Variants in HUS1B observed in about 807,000 individuals in gnomAD.
HUS1B encodes the protein checkpoint protein HUS1B.
For synonymous variants in HUS1B, 207 were observed against 176.2 expected (o/e 1.17, Z -1.38); for missense variants, 475 against 390.4 (o/e 1.22, Z -1.83).
rs998447913 is a variant in HUS1B at position 656,231 on chromosome 6, C to T, written c.714G>A (p.Gln238=). 2 of 1,614,142 alleles carry T rather than the reference C, an allele frequency of 1.2e-6. No individual in the cohort carries two copies. Among genetic ancestry groups the T allele is most frequent in the African/African-American group, 2.7e-5 (2 of 74,942 alleles). ...QVRVDNRKLL[Q]FLEGQQIHPT... The stretch of plus-strand genomic sequence containing the variant: ...GATGTATTTGCTGTCCCTCCAAAAA[C>T]TGCAGAAGCTTCCGATTGTCCACCC... The change falls in exon 1 of 1, where the codon CAG becomes CAA. Residue 238 remains glutamine, a synonymous_variant. Coordinates refer to ENST00000380907, the MANE Select transcript of HUS1B (RefSeq NM_148959.4).
Position 656,370 on chromosome 6 carries a change from C to T in HUS1B, c.575G>A (p.Ser192Asn), listed in dbSNP as rs368806371. The T allele has an allele frequency of 5.6e-6, 9 of 1,614,098 alleles. No homozygotes were observed. The highest frequency in any genetic ancestry group is 2.2e-5 in the East Asian group (1 of 44,884). ...AATGGACACCACCTCCGTCTCTATA[C>T]TCAGGGTCATCCTGCCACTGAGGTT... is the stretch of plus-strand genomic sequence containing the variant. The part of the protein sequence containing the change: ...EANLSGRMTL[S>N]IETEVVSIQS... Residue 192 changes from serine (S) to asparagine (N), a missense_variant, in exon 1 of 1, where the codon AGT (serine) becomes AAT (asparagine). Transcript: ENST00000380907.
At position 656,664 on chromosome 6, in the gene HUS1B, G is replaced by T. The variant is rs1763120140; in HGVS notation, c.281C>A (p.Ala94Glu). ...CAGCTTCAGGGAGGACGCGCCCGCTGCGCTTCTCGCCGCCCGGGACAGGTG... is the reference window on the plus strand; with the variant it reads ...CAGCTTCAGGGAGGACGCGCCCGCTTCGCTTCTCGCCGCCCGGGACAGGTG... The part of the protein sequence containing the change: ...AEHLSRAARS[A>E]AGASSLKLQL... The change falls in exon 1 of 1, where the codon GCA becomes GAA. Residue 94 changes from alanine (A) to glutamate (E), a missense_variant. Transcript: ENST00000380907. 6.2e-7 allele frequency: 1 copy of T among 1,607,176 alleles called. No homozygotes were observed. The highest frequency in any genetic ancestry group is 1.3e-5 in the African/African-American group (1 of 74,772).
chr6:655,998 G>A lies in HUS1B; in HGVS notation c.*110C>T, dbSNP rs1045057481. The A allele has an allele frequency of 7.9e-6, 6 of 755,340 alleles. No homozygotes were observed. Among genetic ancestry groups the A allele is most frequent in the Non-Finnish European group, 1.3e-5 (6 of 451,924 alleles). 46.8% of individuals were successfully genotyped at this position (755,340 alleles called of 1,614,324 possible). A position where few individuals can be genotyped will look rare whatever the true frequency, so the allele number is the denominator to read the frequency against. ...GGAGGAAGGGCTCAACAAAATATAC[G>A]CCCTGCATAAGTCAGTGAAGGTCCA... On this transcript the variant is annotated 3_prime_UTR_variant, in exon 1 of 1. Coordinates refer to ENST00000380907, the MANE Select transcript of HUS1B (RefSeq NM_148959.4).
Position 656,382 on chromosome 6 carries a change from C to A in HUS1B, c.563G>T (p.Arg188Met). 1 of 1,614,204 alleles carries A rather than the reference C, an allele frequency of 6.2e-7. No homozygotes were observed. The highest frequency in any genetic ancestry group is 1.1e-5 in the South Asian group (1 of 91,084). The change falls in exon 1 of 1, where the codon AGG becomes ATG. Residue 188 changes from arginine (R) to methionine (M), a missense_variant. Arg to Met is a moderately conservative substitution (Grantham distance 91). Transcript: ENST00000380907. ...CTCCGTCTCTATACTCAGGGTCATC[C>A]TGCCACTGAGGTTTGCTTCCACCAG... Reference protein sequence around the residue: ...HVLVEANLSGRMTLSIETEVV... With the variant: ...HVLVEANLSGMMTLSIETEVV...
Position 656,541 on chromosome 6 carries a change from C to G in HUS1B, c.404G>C (p.Arg135Pro). 1.2e-6 allele frequency: 2 copies of G among 1,600,952 alleles called. No individual in the cohort carries two copies. Among genetic ancestry groups the G allele is most frequent in the African/African-American group, 1.3e-5 (1 of 74,862 alleles). Residue 135 changes from arginine (R) to proline (P), a missense_variant, in exon 1 of 1, where the codon CGG becomes CCG. Transcript: ENST00000380907. ...ARSVVHDLPV[R>P]VLPRRVWRDC... is the part of the protein sequence containing the mutation. ...CCGCCACACTCTCCTGGGAAGCACC[C>G]GCACGGGCAGATCGTGCACCACGCT...
rs777078981 is a variant in HUS1B at position 656,630 on chromosome 6, G to A, written c.315C>T (p.Thr105=). 2 of 1,605,532 alleles carry A rather than the reference G, an allele frequency of 1.2e-6. No individual in the cohort carries two copies. The highest frequency in any genetic ancestry group is 4.5e-5 in the East Asian group (2 of 44,690). Residue 105 remains threonine, a synonymous_variant, in exon 1 of 1, where the codon ACC becomes ACT. Coordinates refer to ENST00000380907, the MANE Select transcript of HUS1B (RefSeq NM_148959.4). Reference sequence around the variant, plus strand: ...CCGTGAGGGAGGGGCGGCGCTTGTGGGTCAGCTGCAGCTTCAGGGAGGACG... The same window carrying A: ...CCGTGAGGGAGGGGCGGCGCTTGTGAGTCAGCTGCAGCTTCAGGGAGGACG... ...AGASSLKLQL[T]HKRRPSLTVA... is the part of the protein sequence containing the mutation.
At position 656,304 on chromosome 6, in the gene HUS1B, G is replaced by A; in HGVS notation, c.641C>T (p.Ala214Val). 6.2e-7 allele frequency: 1 copy of A among 1,614,196 alleles called. No individual in the cohort carries two copies. Among genetic ancestry groups the A allele is most frequent in the Non-Finnish European group, 8.5e-7 (1 of 1,180,036 alleles). Residue 214 changes from alanine to valine, a missense_variant, in exon 1 of 1, where the codon GCT (alanine) becomes GTT (valine). Physicochemically the swap from Ala to Val is moderately conservative, Grantham distance 64 (BLOSUM62 0). Transcript: ENST00000380907. ...GTCTCTGTTTTCAGGCACACCCACA[G>A]CCGACTGGGGAGGGTTTCCAAGATT... is the stretch of plus-strand genomic sequence containing the variant. Reference protein sequence around the residue: ...FKNLGNPPQSAVGVPENRDLE... With the variant: ...FKNLGNPPQSVVGVPENRDLE...
Position 656,490 on chromosome 6 carries a change from G to A in HUS1B, c.455C>T (p.Ala152Val). ...CGGCAGGCGGATGCTCGCGTCGGAG[G>A]CGCGCAGGCTGGGCGGCAGGCAGTC... is the stretch of plus-strand genomic sequence containing the variant. ...WRDCLPPSLR[A>V]SDASIRLPRW... Residue 152 changes from alanine (A) to valine (V), a missense_variant, in exon 1 of 1, where the codon GCC (alanine) becomes GTC (valine). Coordinates refer to ENST00000380907, the MANE Select transcript of HUS1B (RefSeq NM_148959.4). 6.2e-7 allele frequency: 1 copy of A among 1,608,714 alleles called. No homozygotes were observed. Among genetic ancestry groups the A allele is most frequent in the Non-Finnish European group, 8.5e-7 (1 of 1,178,686 alleles).
Position 657,050 on chromosome 6 carries a change from G to T in HUS1B, c.-106C>A. The T allele has an allele frequency of 1.0e-6, 1 of 961,576 alleles. No homozygotes were observed. Among genetic ancestry groups the T allele is most frequent in the Non-Finnish European group, 1.5e-6 (1 of 676,472 alleles). 59.6% of individuals were successfully genotyped at this position (961,576 alleles called of 1,614,324 possible). On this transcript the variant is annotated 5_prime_UTR_variant, in exon 1 of 1. Transcript: ENST00000380907. ...GCGCTGCCCTCCCCGCCCTCCCTCC[G>T]GCCCCCCAGCTAGGCAGGCACTCGG... is the stretch of plus-strand genomic sequence containing the variant.
Position 657,032 on chromosome 6 carries a change from C to T in HUS1B, c.-88G>A, listed in dbSNP as rs1763158011. On this transcript the variant is annotated 5_prime_UTR_variant, in exon 1 of 1. Coordinates refer to ENST00000380907, the MANE Select transcript of HUS1B (RefSeq NM_148959.4). ...GGTCCGCTGGGGTCCGTGGCGCTGCCCTCCCCGCCCTCCCTCCGGCCCCCC... is the reference window on the plus strand; with the variant it reads ...GGTCCGCTGGGGTCCGTGGCGCTGCTCTCCCCGCCCTCCCTCCGGCCCCCC... The T allele has an allele frequency of 9.2e-7, 1 of 1,087,486 alleles. No homozygotes were observed. Among genetic ancestry groups the T allele is most frequent in the East Asian group, 2.8e-5 (1 of 35,670 alleles). 67.4% of individuals were successfully genotyped at this position (1,087,486 alleles called of 1,614,324 possible). A position where few individuals can be genotyped will look rare whatever the true frequency, so the allele number is the denominator to read the frequency against.
chr6:656,495 C>G lies in HUS1B; in HGVS notation c.450G>C (p.Leu150=), dbSNP rs746654044. ...GGCGGATGCTCGCGTCGGAGGCGCG[C>G]AGGCTGGGCGGCAGGCAGTCCCGCC... ...RVWRDCLPPS[L]RASDASIRLP... is the part of the protein sequence containing the mutation. Residue 150 remains leucine (L), a synonymous_variant, in exon 1 of 1, where the codon CTG becomes CTC. Coordinates refer to ENST00000380907, the MANE Select transcript of HUS1B (RefSeq NM_148959.4). 1.9e-6 allele frequency: 3 copies of G among 1,607,408 alleles called. No homozygotes were observed. Among genetic ancestry groups the G allele is most frequent in the African/African-American group, 1.3e-5 (1 of 75,014 alleles).
Position 656,683 on chromosome 6 carries a change from A to C in HUS1B, c.262T>G (p.Ser88Ala). The C allele has an allele frequency of 6.2e-7, 1 of 1,606,924 alleles. No individual in the cohort carries two copies. The highest frequency in any genetic ancestry group is 1.7e-5 in the Admixed American group (1 of 59,384). Residue 88 changes from serine (S) to alanine (A), a missense_variant, in exon 1 of 1, where the codon TCC becomes GCC. Coordinates refer to ENST00000380907, the MANE Select transcript of HUS1B (RefSeq NM_148959.4). ...CCCGCTGCGCTTCTCGCCGCCCGGG[A>C]CAGGTGCTCCGCCGTCAGCTCCAGG... ...IHLELTAEHLSRAARSAAGAS... is the reference protein window; with the variant it reads ...IHLELTAEHLARAARSAAGAS...
the HUS1B span, chr6:656,566 TG>T: frequency 6.3e-7 from 1 of 1,592,656 alleles, no homozygotes; most frequent in Non-Finnish European, 8.5e-7. Flanking sequence ...TGCACCACGC[TG>T]CGAGCGCGGC....
chr6:656,312 G>C lies in HUS1B; in HGVS notation c.633C>G (p.Pro211=), dbSNP rs775140178. 2.5e-6 allele frequency: 4 copies of C among 1,614,050 alleles called. No individual in the cohort carries two copies. The highest frequency in any genetic ancestry group is 2.7e-5 in the African/African-American group (2 of 74,924). The change falls in exon 1 of 1, where the codon CCC becomes CCG. Residue 211 remains proline, a synonymous_variant. Coordinates refer to ENST00000380907, the MANE Select transcript of HUS1B (RefSeq NM_148959.4). ...TTTCAGGCACACCCACAGCCGACTG[G>C]GGAGGGTTTCCAAGATTTTTAAAAT... ...QSYFKNLGNP[P]QSAVGVPENR...
In HUS1B at chr6:656,402, C is replaced by T. The variant is rs751937741; in HGVS notation, c.543G>A (p.Val181=). The change falls in exon 1 of 1, where the codon GTG becomes GTA. Residue 181 remains valine, a synonymous_variant. Coordinates refer to ENST00000380907, the MANE Select transcript of HUS1B (RefSeq NM_148959.4). ...RMANVGSHVL[V]EANLSGRMTL... ...TCATCCTGCCACTGAGGTTTGCTTC[C>T]ACCAGCACGTGACTGCCCACGTTCG... 6.2e-7 allele frequency: 1 copy of T among 1,614,230 alleles called. No individual in the cohort carries two copies. The highest frequency in any genetic ancestry group is 2.2e-5 in the East Asian group (1 of 44,878).
Position 656,617 on chromosome 6 carries a change from G to C in HUS1B, c.328C>G (p.Pro110Ala). 2 of 1,602,308 alleles carry C rather than the reference G, an allele frequency of 1.2e-6. No homozygotes were observed. The highest frequency in any genetic ancestry group is 1.7e-6 in the Non-Finnish European group (2 of 1,174,768). The part of the protein sequence containing the change: ...LKLQLTHKRR[P>A]SLTVAVELVS... ...AGCTCCACCGCCACCGTGAGGGAGG[G>C]GCGGCGCTTGTGGGTCAGCTGCAGC... The change falls in exon 1 of 1, where the codon CCC (proline) becomes GCC (alanine). Residue 110 changes from proline to alanine, a missense_variant. Pro to Ala is a conservative substitution (Grantham distance 27). Coordinates refer to ENST00000380907, the MANE Select transcript of HUS1B (RefSeq NM_148959.4).
Position 656,048 on chromosome 6 carries a change from GTCTGTT to G in HUS1B, c.*54_*59del. ...AAATTTTCAACCCAATTAACTCAGG[GTCTGTT>G]TTAGTTTTGAAAAGATCAAAACCTT... On this transcript the variant is annotated 3_prime_UTR_variant, in exon 1 of 1. Coordinates refer to ENST00000380907, the MANE Select transcript of HUS1B (RefSeq NM_148959.4). The G allele has an allele frequency of 8.0e-7, 1 of 1,244,260 alleles. No individual in the cohort carries two copies. The highest frequency in any genetic ancestry group is 1.1e-6 in the Non-Finnish European group (1 of 870,688). The allele number at this position is 1,244,260 out of a possible 1,614,324, so 77.1% of individuals were successfully genotyped here. A position where few individuals can be genotyped will look rare whatever the true frequency, so the allele number is the denominator to read the frequency against.
In HUS1B at chr6:656,000, C is replaced by T; in HGVS notation, c.*108G>A. The T allele has an allele frequency of 9.1e-6, 7 of 772,642 alleles. No homozygotes were observed. The highest frequency in any genetic ancestry group is 6.9e-5 in the South Asian group (4 of 57,904). The allele number at this position is 772,642 out of a possible 1,614,324, so 47.9% of individuals were successfully genotyped here. On this transcript the variant is annotated 3_prime_UTR_variant, in exon 1 of 1. Coordinates refer to ENST00000380907, the MANE Select transcript of HUS1B (RefSeq NM_148959.4). Reference sequence around the variant, plus strand: ...AGGAAGGGCTCAACAAAATATACGCCCTGCATAAGTCAGTGAAGGTCCAAA... The same window carrying T: ...AGGAAGGGCTCAACAAAATATACGCTCTGCATAAGTCAGTGAAGGTCCAAA...
rs750735084 is a variant in HUS1B, at chr6:656,308, A to G, written c.637T>C (p.Ser213Pro). The G allele has an allele frequency of 1.2e-6, 2 of 1,614,156 alleles. No individual in the cohort carries two copies. Among genetic ancestry groups the G allele is most frequent in the South Asian group, 2.2e-5 (2 of 91,080 alleles). The change falls in exon 1 of 1, where the codon TCG becomes CCG. Residue 213 changes from serine (S) to proline (P), a missense_variant. Physicochemically the swap from Ser to Pro is moderately conservative, Grantham distance 74. Coordinates refer to ENST00000380907, the MANE Select transcript of HUS1B (RefSeq NM_148959.4). ...YFKNLGNPPQ[S>P]AVGVPENRDL... Reference sequence around the variant, plus strand: ...CTGTTTTCAGGCACACCCACAGCCGACTGGGGAGGGTTTCCAAGATTTTTA... The same window carrying G: ...CTGTTTTCAGGCACACCCACAGCCGGCTGGGGAGGGTTTCCAAGATTTTTA...
Sources: gnomAD v4.1 joint callset for allele counts on GRCh38, gnomAD v4.1.1 for gene constraint, MANE v1.5 for transcripts, NCBI Gene and HGNC (gene_info 2026-07-23, HGNC 2026-07-21) for gene names.